The following RPA3 variants were observed in gnomAD, a reference collection of about 807,000 sequenced individuals.
RPA3 encodes the protein replication protein A 14 kDa subunit.
RPA3 carries 24 observed loss-of-function variants against 13.7 expected under a neutral mutation model. That is an observed-to-expected ratio of 1.75 (90% CI 1.27 to 2.46). RPA3 has a LOEUF of 2.46. Ranked by LOEUF, RPA3 falls within the 30% of genes most tolerant of loss-of-function variation. RPA3 has a pLI of 0.00. For missense variants in RPA3, 183 were observed against 151.0 expected (o/e 1.21, Z -1.11); for synonymous variants, 59 against 51.2 (o/e 1.15, Z -0.65).
chr7:7,641,234 A>G (rs1784964803), intron 4 of RPA3, 59 bp from the exon 5 acceptor site: 1 of 152,148 alleles, frequency 6.6e-6, no homozygotes, highest in South Asian at 2.1e-4. Flanking sequence ...CAACCTGGCC[A>G]CACTGCGGAG....
intron 2 of RPA3, among the ~76,000 whole-genome samples, chr7:7,702,836 T>C (rs535087491): frequency 3.9e-5 from 6 of 152,292 alleles, no homozygotes; most frequent in African/African-American, 1.4e-4. Flanking sequence ...AAAAAATGCT[T>C]AGAGACAAGT....
At chr7:7,674,919 T>A (rs1375500971) in intron 4 of RPA3, among the ~76,000 whole-genome samples, 1 of 152,120 alleles carries the variant, frequency 6.6e-6, no homozygotes, top group Non-Finnish European at 1.5e-5. Flanking sequence ...TGTTTTCCAC[T>A]CTGTTATATA....
chr7:7,680,957 A>G (rs982333666), intron 4 of RPA3, among the ~76,000 whole-genome samples: 4 of 152,134 alleles, frequency 2.6e-5, no homozygotes, highest in African/African-American at 7.2e-5. Context: ...ATACACATGT[A>G]TCATGGTTAG....
In RPA3 at chr7:7,640,654, G is replaced by C. The variant is rs1214091250; in HGVS notation, c.-236C>G. On this transcript the variant is annotated 5_prime_UTR_variant, in exon 5 of 8. Transcript: ENST00000223129. ...GCTGCTTAGTGACGCGCGGCGTCCCGGAAGTTGACAGATACAGGGCGAGAG... is the reference window on the plus strand; with the variant it reads ...GCTGCTTAGTGACGCGCGGCGTCCCCGAAGTTGACAGATACAGGGCGAGAG... 3.7e-6 allele frequency: 2 copies of C among 535,896 alleles called. No homozygotes were observed. The highest frequency in any genetic ancestry group is 3.3e-5 in the East Asian group (1 of 30,378). The allele number at this position is 535,896 out of a possible 1,614,324, so 33.2% of individuals were successfully genotyped here.
At chr7:7,673,792 C>T (rs1349888518) in intron 4 of RPA3, among the ~76,000 whole-genome samples, 1 of 151,748 alleles carries the variant, frequency 6.6e-6, no homozygotes, top group South Asian at 2.1e-4. Context: ...ATAGTACTAA[C>T]CTTGTTTCAT....
chr7:7,690,598 T>C (rs560480393), intron 2 of RPA3, among the ~76,000 whole-genome samples: 40 of 152,176 alleles, frequency 2.6e-4, no homozygotes, highest in South Asian at 6.2e-4. Flanking sequence ...TAAAAGGACA[T>C]CTTAGGGATA....
At chr7:7,656,165 G>A (rs1417689163) in intron 4 of RPA3, among the ~76,000 whole-genome samples, 1 of 152,064 alleles carries the variant, frequency 6.6e-6, no homozygotes, top group Admixed American at 6.6e-5. Context: ...TGAGGTTACC[G>A]CCACTACTTT....
At chr7:7,645,830 T>TA (rs1248055050) in intron 4 of RPA3, among the ~76,000 whole-genome samples, 2 of 151,942 alleles carry the variant, frequency 1.3e-5, no homozygotes, top group Non-Finnish European at 2.9e-5. Flanking sequence ...TTTTTTTTTT[T>TA]AATCTATGTT....
intron 4 of RPA3, among the ~76,000 whole-genome samples, chr7:7,669,141 T>C (rs1447975838): frequency 4.6e-5 from 7 of 152,122 alleles, no homozygotes; most frequent in Non-Finnish European, 1.0e-4. Flanking sequence ...GGGGAACCTT[T>C]TGTATAGGAA....
intron 4 of RPA3, among the ~76,000 whole-genome samples, chr7:7,671,764 A>G (rs565500224): frequency 6.6e-6 from 1 of 151,878 alleles, no homozygotes; most frequent in East Asian, 1.9e-4. Context: ...ATTAGAGGCC[A>G]TCTCTCCTTG....
intron 4 of RPA3, among the ~76,000 whole-genome samples, chr7:7,645,232 G>T (rs1314482897): frequency 6.6e-6 from 1 of 151,964 alleles, no homozygotes; most frequent in African/African-American, 2.4e-5. Flanking sequence ...CTTTTGCCTA[G>T]GATAGAGCCT....
intron 2 of RPA3, among the ~76,000 whole-genome samples, chr7:7,706,554 A>G (rs1471880336): frequency 2.0e-5 from 3 of 152,228 alleles, no homozygotes; most frequent in Non-Finnish European, 4.4e-5. Flanking sequence ...ATTTTTTAAA[A>G]TTGGAAAAAA....
chr7:7,704,894 G>T (rs984566325), intron 2 of RPA3, among the ~76,000 whole-genome samples: 1 of 149,610 alleles, frequency 6.7e-6, no homozygotes, highest in African/African-American at 2.5e-5. Flanking sequence ...TTTGGGTAAA[G>T]TAAAATAGGC....
chr7:7,649,320 G>A (rs974915746), intron 4 of RPA3, among the ~76,000 whole-genome samples: 2 of 152,114 alleles, frequency 1.3e-5, no homozygotes, highest in Admixed American at 1.3e-4. Context: ...AGAAATGTAA[G>A]GGAAGGGGAC....
intron 2 of RPA3, among the ~76,000 whole-genome samples, chr7:7,694,138 T>A (rs1297303244): frequency 6.6e-6 from 1 of 152,202 alleles, no homozygotes; most frequent in Non-Finnish European, 1.5e-5. Context: ...TGAGTCATAT[T>A]TGAGCATTCC....
At chr7:7,670,760 G>T (rs1317053607) in intron 4 of RPA3, among the ~76,000 whole-genome samples, 2 of 152,112 alleles carry the variant, frequency 1.3e-5, no homozygotes, top group Admixed American at 1.3e-4. Flanking sequence ...TGGTGGAACT[G>T]GTAAGCATAA....
chr7:7,675,742 C>T (rs1266283466), intron 4 of RPA3, among the ~76,000 whole-genome samples: 1 of 152,174 alleles, frequency 6.6e-6, no homozygotes, highest in Non-Finnish European at 1.5e-5. Context: ...AGCAGTTGAA[C>T]AGTCATGGTG....
intron 4 of RPA3, chr7:7,673,364 C>CAGCAGCAGT: frequency 9.4e-7 from 1 of 1,061,436 alleles, no homozygotes; most frequent in East Asian, 2.8e-5. Flanking sequence ...GCAGCAGCAG[C>CAGCAGCAGT]AGCAGCAATG....
chr7:7,700,366 C>T (rs1197901714), intron 2 of RPA3, among the ~76,000 whole-genome samples: 2 of 152,164 alleles, frequency 1.3e-5, no homozygotes, highest in Non-Finnish European at 2.9e-5. Flanking sequence ...GATTTCATTT[C>T]ATGAATTTTG....
Sources: gnomAD v4.1 joint callset for allele counts (sites outside exome capture counted in the v4.1 genomes callset) on GRCh38, gnomAD v4.1.1 for gene constraint, MANE v1.5 for transcripts, NCBI Gene and HGNC (gene_info 2026-07-23, HGNC 2026-07-21) for gene names.